Variants in RARB observed in about 807,000 individuals in gnomAD.
The protein encoded by RARB is retinoic acid receptor beta, also known as HBV-activated protein.
Under a neutral mutation model 51.9 loss-of-function variants are expected in RARB, and 17 were observed. That is an observed-to-expected ratio of 0.33 (90% CI 0.22 to 0.49). RARB has a LOEUF of 0.49. Among genes scored for constraint, RARB ranks in the 20% least tolerant of loss-of-function variants. The probability of loss-of-function intolerance (pLI) is 0.99; values close to 1 mark genes in which losing one functional copy is unlikely to be tolerated. For synonymous variants in RARB, 215 were observed against 195.4 expected (o/e 1.10, Z -0.84); for missense variants, 369 against 550.8 (o/e 0.67, Z 3.30).
chr3:24,836,025 G>T (rs1030605351), intron 1 of RARB, among the ~76,000 whole-genome samples: 3 of 152,186 alleles, frequency 2.0e-5, no homozygotes, highest in Admixed American at 6.5e-5. Flanking sequence ...AGACTTGAGT[G>T]GCTCTGCAAA....
At chr3:25,109,354 A>G (rs1293252492) in intron 3 of RARB, among the ~76,000 whole-genome samples, 2 of 152,126 alleles carry the variant, frequency 1.3e-5, no homozygotes, top group Non-Finnish European at 2.9e-5. Context: ...AAACACTGGA[A>G]GCATGGCCCA....
chr3:25,328,282 G>C (rs1366631212), intron 5 of RARB, among the ~76,000 whole-genome samples: 1 of 152,248 alleles, frequency 6.6e-6, no homozygotes, highest in Non-Finnish European at 1.5e-5. Context: ...CACTTTGAAA[G>C]ACTGAGACGG....
intron 2 of RARB, among the ~76,000 whole-genome samples, chr3:25,463,783 T>C (rs1450612304): frequency 6.6e-6 from 1 of 152,200 alleles, no homozygotes; most frequent in Non-Finnish European, 1.5e-5. Flanking sequence ...TTTATGAATA[T>C]AATAAGGCCA....
At chr3:24,993,769 G>C (rs2125436723) in intron 2 of RARB, among the ~76,000 whole-genome samples, 2 of 152,066 alleles carry the variant, frequency 1.3e-5, no homozygotes, top group East Asian at 3.9e-4. Flanking sequence ...TTAACTCTCT[G>C]TTCCTGTTTT....
intron 5 of RARB, among the ~76,000 whole-genome samples, chr3:25,370,765 A>G (rs906719593): frequency 6.6e-6 from 1 of 152,186 alleles, no homozygotes; most frequent in Admixed American, 6.5e-5. Context: ...TGGCTGCTGT[A>G]ATGAATTATC....
At chr3:24,887,691 C>G (rs922809320) in intron 2 of RARB, among the ~76,000 whole-genome samples, 7 of 152,206 alleles carry the variant, frequency 4.6e-5, no homozygotes, top group Non-Finnish European at 8.8e-5. Flanking sequence ...ATGGTTGACT[C>G]TACACTGTGA....
intron 3 of RARB, among the ~76,000 whole-genome samples, chr3:25,101,292 A>T (rs1699395525): frequency 6.6e-6 from 1 of 152,312 alleles, no homozygotes; most frequent in East Asian, 1.9e-4. Context: ...GAAACCAATA[A>T]GAAGAGCAAA....
At chr3:25,000,362 C>T (rs1221045791) in intron 2 of RARB, among the ~76,000 whole-genome samples, 3 of 152,102 alleles carry the variant, frequency 2.0e-5, no homozygotes, top group East Asian at 3.9e-4. Context: ...TGACCACTAC[C>T]CAGACACTTG....
intron 1 of RARB, among the ~76,000 whole-genome samples, chr3:25,443,063 T>C (rs998047982): frequency 6.6e-5 from 10 of 152,194 alleles, no homozygotes; most frequent in East Asian, 5.8e-4. Context: ...TGCTTACGTG[T>C]GTCCTCTGCT....
intron 5 of RARB, among the ~76,000 whole-genome samples, chr3:25,205,648 GCAC>G (rs767183121): frequency 4.7e-4 from 71 of 152,148 alleles, no homozygotes; most frequent in Non-Finnish European, 8.1e-4. Context: ...TAATTATTAT[GCAC>G]TGTATGCCCA....
At chr3:25,175,542 CT>C (rs1307091386) in intron 5 of RARB, among the ~76,000 whole-genome samples, 1 of 152,192 alleles carries the variant, frequency 6.6e-6, no homozygotes, top group Admixed American at 6.5e-5. Flanking sequence ...ATTCCTTCTA[CT>C]ACATCCTTAG....
intron 3 of RARB, among the ~76,000 whole-genome samples, chr3:25,070,640 A>C (rs1021328423): frequency 6.6e-6 from 1 of 152,224 alleles, no homozygotes; most frequent in African/African-American, 2.4e-5. Context: ...TTTATATAGC[A>C]TAGGAATATT....
intron 5 of RARB, among the ~76,000 whole-genome samples, chr3:25,346,266 T>G (rs933531594): frequency 1.7e-4 from 26 of 152,316 alleles, no homozygotes; most frequent in African/African-American, 6.3e-4. Flanking sequence ...TCCTCTAGCT[T>G]GGTTGCCTGA....
intron 5 of RARB, among the ~76,000 whole-genome samples, chr3:25,385,511 G>A (rs538587673): frequency 9.9e-5 from 15 of 152,152 alleles, no homozygotes; most frequent in African/African-American, 2.4e-4. Context: ...TCCTTCAGTC[G>A]GAGGCCCCCA....
intron 2 of RARB, among the ~76,000 whole-genome samples, chr3:24,868,253 G>A (rs957429403): frequency 1.3e-5 from 2 of 152,124 alleles, no homozygotes; most frequent in Non-Finnish European, 2.9e-5. Flanking sequence ...CTAGGTTTTA[G>A]AGATCAAAAT....
intron 5 of RARB, among the ~76,000 whole-genome samples, chr3:25,343,686 C>T (rs1240297217): frequency 6.6e-6 from 1 of 152,008 alleles, no homozygotes; most frequent in Non-Finnish European, 1.5e-5. Context: ...TTGTATCTTT[C>T]TAAGAGGTAT....
chr3:24,902,348 T>C (rs1233009335), intron 2 of RARB, among the ~76,000 whole-genome samples: 1 of 152,194 alleles, frequency 6.6e-6, no homozygotes, highest in Non-Finnish European at 1.5e-5. Flanking sequence ...AGAATTTAAA[T>C]TTCCAGGGAA....
At chr3:24,864,537 G>A (rs1221750215) in intron 2 of RARB, among the ~76,000 whole-genome samples, 7 of 152,088 alleles carry the variant, frequency 4.6e-5, no homozygotes, top group African/African-American at 1.7e-4. Context: ...AGAACCAGGT[G>A]TTCAACTCAG....
At chr3:25,128,774 G>T (rs1699900003) in intron 3 of RARB, among the ~76,000 whole-genome samples, 2 of 151,750 alleles carry the variant, frequency 1.3e-5, no homozygotes, top group South Asian at 2.1e-4. Context: ...AGAGTTTTAG[G>T]TTAATCACTG....
Sources: allele counts gnomAD v4.1 joint callset (sites outside exome capture counted in the v4.1 genomes callset), GRCh38; gene constraint gnomAD v4.1.1; transcripts MANE v1.5; gene names NCBI Gene and HGNC (gene_info 2026-07-23, HGNC 2026-07-21).